The following PLBD2 variants were observed in gnomAD, a reference collection of about 807,000 sequenced individuals.
PLBD2 encodes the protein putative aminopeptidase PLBD2.
Under a neutral mutation model 68.3 loss-of-function variants are expected in PLBD2, and 51 were observed. The observed-to-expected ratio is 0.75, with a 90% CI of 0.60 to 0.94. The LOEUF is 0.94. Among genes scored for constraint, PLBD2 ranks in the 40% least tolerant of loss-of-function variants. The pLI, the probability that PLBD2 is intolerant of heterozygous loss-of-function variation, is 0.00. For synonymous variants in PLBD2, 314 were observed against 339.3 expected (o/e 0.93, Z 0.82); for missense variants, 729 against 792.2 (o/e 0.92, Z 0.96).
rs1463391955 is a variant in PLBD2, at chr12:113,391,018, A to C, written c.*2392A>C. ...TCTATTTTCTATCCATCAGCCATCC[A>C]TTCATTCATATCCATCCATCCATCT... On this transcript the variant is annotated 3_prime_UTR_variant, in exon 12 of 12. Transcript: ENST00000280800. 1 of 151,954 alleles carries C rather than the reference A, an allele frequency of 6.6e-6. No individual in the cohort carries two copies. The highest frequency in any genetic ancestry group is 1.5e-5 in the Non-Finnish European group (1 of 68,014). 9.4% of individuals were successfully genotyped at this position (151,954 alleles called of 1,614,324 possible). A position where few individuals can be genotyped will look rare whatever the true frequency, so the allele number is the denominator to read the frequency against.
At position 113,382,961 on chromosome 12, in the gene PLBD2, T is replaced by C. The variant is rs190559909; in HGVS notation, c.958-1144T>C. Among the ~76,000 whole-genome samples, 643 of 150,888 alleles carry C rather than the reference T, an allele frequency of 4.3e-3. 4 individuals carry two copies. Among genetic ancestry groups the C allele is most frequent in the African/African-American group, 0.015 (599 of 41,078 alleles). On this transcript the variant is annotated intron_variant, in intron 6 of 11. Transcript: ENST00000280800. ...ATCTCAGCTCACTGCAACCTTCGCT[T>C]CCAGGGTTCAAGTGATTCTCATGCC...
intron 6 of PLBD2, among the ~76,000 whole-genome samples, chr12:113,383,424 G>A (rs186049468): frequency 1.3e-5 from 2 of 152,214 alleles, no homozygotes; most frequent in East Asian, 1.9e-4. Context: ...TGGGGAACAC[G>A]TGCCTCAACT....
chr12:113,375,515 C>A (rs1251534652), intron 5 of PLBD2, among the ~76,000 whole-genome samples: 1 of 152,192 alleles, frequency 6.6e-6, no homozygotes, highest in Non-Finnish European at 1.5e-5. Context: ...TAACCAGTTA[C>A]CCCAAAATTT....
chr12:113,382,871 T>G (rs865863885), intron 6 of PLBD2, among the ~76,000 whole-genome samples: 1,426 of 125,950 alleles, frequency 0.011, 18 homozygotes, highest in African/African-American at 0.036. Flanking sequence ...GTGTGTGTTT[T>G]TTTTTTTTTT....
chr12:113,371,432 TG>T (rs1326790285), intron 2 of PLBD2, among the ~76,000 whole-genome samples: 2 of 152,234 alleles, frequency 1.3e-5, no homozygotes, highest in African/African-American at 4.8e-5. Flanking sequence ...CAACGTCCAG[TG>T]GGACACCCTT....
intron 1 of PLBD2, among the ~76,000 whole-genome samples, chr12:113,366,189 G>A (rs1394845474): frequency 1.3e-5 from 2 of 152,104 alleles, no homozygotes; most frequent in East Asian, 3.9e-4. Flanking sequence ...TGGCTTTTTA[G>A]CCAACTTCCC....
chr12:113,378,981 C>T (rs1168463084), intron 5 of PLBD2, among the ~76,000 whole-genome samples: 1 of 152,106 alleles, frequency 6.6e-6, no homozygotes, highest in Admixed American at 6.6e-5. Flanking sequence ...GCCTACTGGT[C>T]CCTTTGTTTT....
In PLBD2 at chr12:113,377,676, TGTCC is replaced by T. The variant is rs1957447336; in HGVS notation, c.859+2670_859+2673del. The stretch of plus-strand genomic sequence containing the variant: ...CCTGACCTCAAGTGATCCAACCGCC[TGTCC>T]TGATTTCTCACAGAATAGGTTAGGT... On this transcript the variant is annotated intron_variant, in intron 5 of 11. Transcript: ENST00000280800. Among the ~76,000 whole-genome samples, 8 of 152,342 alleles carry T rather than the reference TGTCC, an allele frequency of 5.3e-5. No individual in the cohort carries two copies. In the South Asian group the frequency reaches 1.4e-3, roughly 28 times the overall value.
chr12:113,365,133 C>T (rs1029366571), intron 1 of PLBD2, among the ~76,000 whole-genome samples: 3 of 152,280 alleles, frequency 2.0e-5, no homozygotes, highest in Admixed American at 6.5e-5. Flanking sequence ...TTGCCCCCAA[C>T]ACTCCCCCAC....
In PLBD2 at chr12:113,388,061, G is replaced by T. The variant is rs531221170; in HGVS notation, c.1602+155G>T. On this transcript the variant is annotated intron_variant, in intron 11 of 11. Coordinates refer to ENST00000280800, the MANE Select transcript of PLBD2 (RefSeq NM_173542.4). ...GGTCACAGTAAAGGTGACAGTATGG[G>T]CTGGGCACGGTGGCTCATGCCTGTA... Among the ~76,000 whole-genome samples the T allele has an allele frequency of 4.6e-5, 7 of 152,334 alleles. No homozygotes were observed. The South Asian group carries it at 1.2e-3, about 27-fold the overall frequency.
intron 5 of PLBD2, among the ~76,000 whole-genome samples, chr12:113,377,858 A>G (rs1187045782): frequency 1.3e-5 from 2 of 152,234 alleles, no homozygotes; most frequent in Non-Finnish European, 2.9e-5. Flanking sequence ...GCTTTTAAAA[A>G]CATACTGTAT....
chr12:113,385,424 GAC>G, intron 9 of PLBD2, 141 bp downstream of exon 9: 1 of 775,846 alleles, frequency 1.3e-6, no homozygotes, highest in Admixed American at 2.5e-5. Flanking sequence ...GGAGAGCCCA[GAC>G]AGTTTGGCAG....
chr12:113,360,934 C>A (rs781403100), intron 1 of PLBD2, among the ~76,000 whole-genome samples: 9 of 152,192 alleles, frequency 5.9e-5, no homozygotes, highest in Non-Finnish European at 1.0e-4. Flanking sequence ...TTTCGGCACC[C>A]TCTCTCATCC....
chr12:113,385,395 C>A, intron 9 of PLBD2, 112 bp downstream of exon 9: 1 of 1,039,634 alleles, frequency 9.6e-7, no homozygotes, highest in Non-Finnish European at 1.4e-6. Flanking sequence ...GAATCCCAGC[C>A]TACCCCCTTT....
chr12:113,360,400 G>A (rs1187716737), intron 1 of PLBD2, among the ~76,000 whole-genome samples: 1 of 152,224 alleles, frequency 6.6e-6, no homozygotes, highest in Non-Finnish European at 1.5e-5. Context: ...CAGGAGCGAG[G>A]CCCAGCATGG....
intron 1 of PLBD2, among the ~76,000 whole-genome samples, chr12:113,366,508 G>C (rs1957343426): frequency 6.6e-6 from 1 of 150,892 alleles, no homozygotes; most frequent in African/African-American, 2.4e-5. Flanking sequence ...AGAGGGTCAT[G>C]CTCTGTCATC....
intron 1 of PLBD2, among the ~76,000 whole-genome samples, chr12:113,365,959 G>A (rs1431812058): frequency 1.3e-5 from 2 of 152,082 alleles, no homozygotes; most frequent in East Asian, 1.9e-4. Context: ...TGGTTACCCC[G>A]TTATGTCCTT....
Position 113,384,151 on chromosome 12 carries a change from A to T in PLBD2, c.1004A>T (p.Lys335Met). ...TIGNKNPALWKYVRPRGCVLE... is the reference protein window; with the variant it reads ...TIGNKNPALWMYVRPRGCVLE... ...GGCAACAAGAACCCAGCCCTGTGGAAGTATGTGCGGCCCAGGGGCTGTGTG... is the reference window on the plus strand; with the variant it reads ...GGCAACAAGAACCCAGCCCTGTGGATGTATGTGCGGCCCAGGGGCTGTGTG... Residue 335 changes from lysine (K) to methionine (M), a missense_variant, in exon 7 of 12, where the codon AAG becomes ATG. Coordinates refer to ENST00000280800, the MANE Select transcript of PLBD2 (RefSeq NM_173542.4). This position sits in a 1 kb window ranked among gnomAD's most constrained non-coding sequence, Gnocchi z 4.2. The T allele has an allele frequency of 6.2e-7, 1 of 1,613,878 alleles. No individual in the cohort carries two copies. Among genetic ancestry groups the T allele is most frequent in the Non-Finnish European group, 8.5e-7 (1 of 1,179,886 alleles).
intron 5 of PLBD2, among the ~76,000 whole-genome samples, chr12:113,376,603 G>A (rs1957440149): frequency 1.3e-5 from 2 of 152,198 alleles, no homozygotes; most frequent in Admixed American, 6.5e-5. Flanking sequence ...AAGAATTAGA[G>A]CTATTTTTGC....
Sources: gnomAD v4.1 joint callset for allele counts (sites outside exome capture counted in the v4.1 genomes callset) on GRCh38, gnomAD v4.1.1 for gene constraint, Gnocchi (gnomAD v3.1) non-coding constraint, MANE v1.5 for transcripts, NCBI Gene and HGNC (gene_info 2026-07-23, HGNC 2026-07-21) for gene names.